The following GOLGA3 variants were observed in gnomAD, a reference collection of about 807,000 sequenced individuals.
GOLGA3 encodes golgin subfamily A member 3.
In GOLGA3, 75 loss-of-function variants were observed where a neutral mutation model predicts 169.4. The ratio of observed to expected loss-of-function variants is 0.44; its 90% CI spans 0.37 to 0.54. GOLGA3 has a LOEUF of 0.54. Ranked by LOEUF, GOLGA3 falls within the 20% of genes least tolerant of loss-of-function variation. The pLI is 0.00. For synonymous variants in GOLGA3, 824 were observed against 822.4 expected (o/e 1.00, Z -0.03); for missense variants, 1,899 against 1,930.0 (o/e 0.98, Z 0.30).
intron 9 of GOLGA3, among the ~76,000 whole-genome samples, 161 bp downstream of exon 9, chr12:132,798,179 T>TG (rs5801992): frequency 0.42 from 15,575 of 37,444 alleles, 2,617 homozygotes; most frequent in Non-Finnish European, 0.49. Context: ...GGATGAGGGG[T>TG]GGGGGGGGGG....
chr12:132,822,024 C>T lies in GOLGA3; in HGVS notation c.105G>A (p.Val35=), dbSNP rs762138960. Residue 35 remains valine, a synonymous_variant, in exon 2 of 24, where the codon GTG becomes GTA. Coordinates refer to ENST00000450791, the MANE Select transcript of GOLGA3 (RefSeq NM_001389683.1). ...GGACTTTGTCCTGCTGGTCAGGTGG[C>T]ACCAGTGGGCCCGGGGGCTTCAGTG... The part of the protein sequence containing the change: ...EAPLKPPGPL[V]PPDQQDKVQC... The T allele has an allele frequency of 2.5e-6, 4 of 1,609,680 alleles. No individual in the cohort carries two copies. Among genetic ancestry groups the T allele is most frequent in the Admixed American group, 3.4e-5 (2 of 59,194 alleles).
At chr12:132,823,547 A>G (rs1305899017) in intron 1 of GOLGA3, among the ~76,000 whole-genome samples, 1 of 152,182 alleles carries the variant, frequency 6.6e-6, no homozygotes, top group Non-Finnish European at 1.5e-5. Flanking sequence ...GCACTTTGGG[A>G]GGCCAAGGCG....
In GOLGA3 at chr12:132,796,696, T is replaced by A. The variant is rs1485034785; in HGVS notation, c.1943A>T (p.Asp648Val). The A allele has an allele frequency of 6.2e-7, 1 of 1,613,760 alleles. No homozygotes were observed. The highest frequency in any genetic ancestry group is 1.7e-5 in the Admixed American group (1 of 59,976). ...GAAGGCTGCTTCCTGATCCAACATG[T>A]CAGCCTGAGCCCAGGAAACTTGTTT... ...IAAQLQGIEA[D>V]MLDQEAAFMQ... Residue 648 changes from aspartate to valine, a missense_variant, in exon 10 of 24, where the codon GAC (aspartate) becomes GTC (valine). Coordinates refer to ENST00000450791, the MANE Select transcript of GOLGA3 (RefSeq NM_001389683.1).
intron 2 of GOLGA3, among the ~76,000 whole-genome samples, chr12:132,821,710 C>T (rs535620526): frequency 1.6e-4 from 24 of 150,026 alleles, no homozygotes; most frequent in East Asian, 4.0e-4. Context: ...AAAAATTAGC[C>T]GGGCGCGGTG....
chr12:132,779,831 C>T (rs1440004183), intron 18 of GOLGA3, among the ~76,000 whole-genome samples: 1 of 119,612 alleles, frequency 8.4e-6, no homozygotes, highest in Non-Finnish European at 1.8e-5. Flanking sequence ...ACACCACAGC[C>T]CTTGCACGGA....
At chr12:132,788,155 G>A (rs1341402284) in intron 13 of GOLGA3, among the ~76,000 whole-genome samples, 2 of 152,014 alleles carry the variant, frequency 1.3e-5, no homozygotes, top group Non-Finnish European at 2.9e-5. Flanking sequence ...CCCGGCACCA[G>A]CGCTAATCCA....
chr12:132,816,906 C>T, intron 2 of GOLGA3, 94 bp from the exon 3 acceptor site: 2 of 1,134,300 alleles, frequency 1.8e-6, no homozygotes. Context: ...GAAGAGGATC[C>T]AGACTCATGA....
intron 2 of GOLGA3, among the ~76,000 whole-genome samples, chr12:132,820,808 G>C (rs1045729102): frequency 5.4e-4 from 82 of 152,152 alleles, no homozygotes; most frequent in South Asian, 1.0e-3. Context: ...CAATCAAAAA[G>C]GCAGAATTCG....
intron 8 of GOLGA3, among the ~76,000 whole-genome samples, chr12:132,799,538 G>A (rs1426927987): frequency 2.0e-5 from 3 of 152,156 alleles, no homozygotes; most frequent in African/African-American, 4.8e-5. Context: ...TACTTGGGGG[G>A]CTGAGGCAGG....
chr12:132,772,038 G>A lies in GOLGA3; in HGVS notation c.*1067C>T, dbSNP rs2044919129. 6.6e-6 allele frequency: 1 copy of A among 152,260 alleles called. No individual in the cohort carries two copies. Among genetic ancestry groups the A allele is most frequent in the East Asian group, 1.9e-4 (1 of 5,194 alleles). 9.4% of individuals were successfully genotyped at this position (152,260 alleles called of 1,614,324 possible). ...CTGAGAGGAAGAGACCAGCAGGAAGGAAAGATCCTCAGCAACAAAGTAAAA... is the reference window on the plus strand; with the variant it reads ...CTGAGAGGAAGAGACCAGCAGGAAGAAAAGATCCTCAGCAACAAAGTAAAA... On this transcript the variant is annotated 3_prime_UTR_variant, in exon 24 of 24. Coordinates refer to ENST00000450791, the MANE Select transcript of GOLGA3 (RefSeq NM_001389683.1).
At chr12:132,820,998 G>A (rs1950181093) in intron 2 of GOLGA3, among the ~76,000 whole-genome samples, 2 of 149,020 alleles carry the variant, frequency 1.3e-5, no homozygotes, top group African/African-American at 2.5e-5. Flanking sequence ...TACTCGGGAG[G>A]CTGAAGCAGG....
rs1432225720 is a variant in GOLGA3, at chr12:132,804,597, A to G, written c.1597+119T>C. On this transcript the variant is annotated intron_variant, in intron 7 of 23. Transcript: ENST00000450791. This position sits in a 1 kb window ranked among gnomAD's most constrained non-coding sequence, Gnocchi z 4.1. ...AGCGGGGACCAGTCGAGGAAGGAGG[A>G]GGGAGCAGCAAGGACCAGTCAGGGA... is the stretch of plus-strand genomic sequence containing the variant. 7.6e-6 allele frequency: 6 copies of G among 789,928 alleles called. No individual in the cohort carries two copies. The Admixed American group carries it at 1.1e-4, about 15-fold the overall frequency. 48.9% of individuals were successfully genotyped at this position (789,928 alleles called of 1,614,324 possible).
At chr12:132,786,903 C>T in intron 13 of GOLGA3, 116 bp from the exon 14 acceptor site, 1 of 712,462 alleles carries the variant, frequency 1.4e-6, no homozygotes, top group Non-Finnish European at 2.4e-6. Context: ...CCCTGGAGGA[C>T]TTGGGCCTTG....
chr12:132,805,129 C>T (rs1233932729), intron 6 of GOLGA3, 107 bp from the exon 7 acceptor site: 1 of 1,245,214 alleles, frequency 8.0e-7, no homozygotes, highest in Admixed American at 2.4e-5. Context: ...GACAGGGGAC[C>T]CCGAGACCCC....
At position 132,772,812 on chromosome 12, in the gene GOLGA3, C is replaced by T. The variant is rs1376451032; in HGVS notation, c.*293G>A. On this transcript the variant is annotated 3_prime_UTR_variant, in exon 24 of 24. Transcript: ENST00000450791. ...CCCTGTCACCCGCAGAGAGCAGCAT[C>T]GGTGGCCGCTCAGAAGCCACGACCT... The T allele has an allele frequency of 6.8e-6, 2 of 295,152 alleles. No individual in the cohort carries two copies. The highest frequency in any genetic ancestry group is 2.2e-5 in the African/African-American group (1 of 45,342). 18.3% of individuals were successfully genotyped at this position (295,152 alleles called of 1,614,324 possible). A position where few individuals can be genotyped will look rare whatever the true frequency, so the allele number is the denominator to read the frequency against.
rs1415844364 is a variant in GOLGA3 at position 132,777,489 on chromosome 12, T to C, written c.3722+177A>G. Among the ~76,000 whole-genome samples, 1 of 152,224 alleles carries C rather than the reference T, an allele frequency of 6.6e-6. No individual in the cohort carries two copies. The highest frequency in any genetic ancestry group is 2.4e-5 in the African/African-American group (1 of 41,464). On this transcript the variant is annotated intron_variant, in intron 19 of 23. Transcript: ENST00000450791. This position sits in a 1 kb window ranked among gnomAD's most constrained non-coding sequence, Gnocchi z 4.7. ...CTCTTGGGGGGAGGACACGGGGCAG[T>C]GAGTGAGGCTCAGGATTCTGGAGAC...
chr12:132,779,812 T>TGTGCACACACACCACAGCCC (rs2045462254), intron 18 of GOLGA3, among the ~76,000 whole-genome samples: 1 of 101,504 alleles, frequency 9.9e-6, no homozygotes, highest in Non-Finnish European at 1.9e-5. Flanking sequence ...CACACACGTG[T>TGTGCACACACACCACAGCCC]GTGCACACAC....
In GOLGA3 at chr12:132,782,166, T is replaced by C. The variant is rs929919331; in HGVS notation, c.3465+130A>G. 22 of 870,214 alleles carry C rather than the reference T, an allele frequency of 2.5e-5. No individual in the cohort carries two copies. The African/African-American group carries it at 3.5e-4, about 14-fold the overall frequency. 53.9% of individuals were successfully genotyped at this position (870,214 alleles called of 1,614,324 possible). On this transcript the variant is annotated intron_variant, in intron 17 of 23. Transcript: ENST00000450791. ...TGGGTCACCCGGACTCCTGAGCCTG[T>C]TCTCTCGGCTGCAGGCCGGGTGGGC...
intron 17 of GOLGA3, among the ~76,000 whole-genome samples, chr12:132,781,236 C>T (rs2045589147): frequency 6.6e-6 from 1 of 151,942 alleles, no homozygotes; most frequent in African/African-American, 2.4e-5. Flanking sequence ...CACTGCCCTC[C>T]ACTCCGGGCA....
Sources: gnomAD v4.1 joint callset for allele counts (sites outside exome capture counted in the v4.1 genomes callset) on GRCh38, gnomAD v4.1.1 for gene constraint, Gnocchi (gnomAD v3.1) non-coding constraint, MANE v1.5 for transcripts, NCBI Gene and HGNC (gene_info 2026-07-23, HGNC 2026-07-21) for gene names.